HMGXB3: variants seen among roughly 807,000 people sequenced by gnomAD.
HMGXB3 encodes the protein HMG-box containing 3, also known as HMG domain-containing protein 3.
In HMGXB3, 45 loss-of-function variants were observed where a neutral mutation model predicts 121.5. That is an observed-to-expected ratio of 0.37 (90% confidence interval 0.29 to 0.47). HMGXB3 has a LOEUF of 0.47. HMGXB3 is among the 20% of genes least tolerant of loss of function. HMGXB3 has a pLI of 0.99. For missense variants in HMGXB3, 1,376 were observed against 1,602.2 expected, an observed-to-expected ratio of 0.86 and a Z score of 2.41; for synonymous variants, 590 against 624.1, an observed-to-expected ratio of 0.95 and a Z score of 0.81.
rs80345191 is a variant in HMGXB3 at position 150,002,550 on chromosome 5, C to T, written c.-3+1371C>T. Among the ~76,000 whole-genome samples the T allele has an allele frequency of 2.7e-3, 418 of 152,328 alleles. 3 individuals carry two copies. The highest frequency in any genetic ancestry group is 9.2e-3 in the African/African-American group (381 of 41,572). On this transcript the variant is annotated intron_variant, in intron 1 of 19. Coordinates refer to ENST00000502717, the MANE Select transcript of HMGXB3 (RefSeq NM_014983.3). ...CCCAGAATTCTAAATTTCCTCCTGA[C>T]AGATTTTCAGGGGCAACTATGTTAT... is the stretch of plus-strand genomic sequence containing the variant.
intron 14 of HMGXB3, 24 bp from the exon 15 acceptor site, chr5:150,041,761 T>C: frequency 6.5e-7 from 1 of 1,543,024 alleles, no homozygotes; most frequent in Non-Finnish European, 8.8e-7. Flanking sequence ...TGTGCCCTTC[T>C]CAGTGTTCTT....
intron 4 of HMGXB3, among the ~76,000 whole-genome samples, chr5:150,011,592 T>TG (rs1428303858): frequency 6.6e-5 from 9 of 135,380 alleles, no homozygotes; most frequent in African/African-American, 1.1e-4. Flanking sequence ...TGTTGTTGGT[T>TG]GTTTTTTTTT....
chr5:150,048,791 G>A (rs1474462421), intron 18 of HMGXB3, 106 bp downstream of exon 18: 3 of 801,718 alleles, frequency 3.7e-6, no homozygotes, highest in African/African-American at 3.4e-5. Flanking sequence ...AGGTCACTGG[G>A]CAACCTCCGG....
chr5:150,046,729 G>A (rs1267493785), intron 16 of HMGXB3, among the ~76,000 whole-genome samples: 4 of 151,816 alleles, frequency 2.6e-5, no homozygotes, highest in Non-Finnish European at 4.4e-5. Context: ...GGAGAATGGC[G>A]TGAACCCGGG....
At chr5:150,028,497 ATGTATGTATGTGTG>A (rs1756289870) in intron 9 of HMGXB3, among the ~76,000 whole-genome samples, 1 of 66,476 alleles carries the variant, frequency 1.5e-5, no homozygotes, top group Non-Finnish European at 2.5e-5. Flanking sequence ...ATGTATATAT[ATGTATGTATGTGTG>A]TGTGTGTGTG....
At chr5:150,029,042 T>C (rs1015009146) in intron 9 of HMGXB3, among the ~76,000 whole-genome samples, 2 of 152,300 alleles carry the variant, frequency 1.3e-5, no homozygotes, top group African/African-American at 4.8e-5. Flanking sequence ...GTAGAAAATA[T>C]AGAAAATTCA....
At chr5:150,040,084 G>C (rs1756592583) in intron 13 of HMGXB3, among the ~76,000 whole-genome samples, 1 of 152,192 alleles carries the variant, frequency 6.6e-6, no homozygotes, top group South Asian at 2.1e-4. Flanking sequence ...GAGGTGTAAA[G>C]GAAGAGTGAT....
chr5:150,004,196 G>A (rs1479523932), intron 1 of HMGXB3, among the ~76,000 whole-genome samples: 1 of 152,014 alleles, frequency 6.6e-6, no homozygotes, highest in Non-Finnish European at 1.5e-5. Flanking sequence ...ATAGAGTTGT[G>A]TCTATTGTAT....
chr5:150,028,564 T>A (rs1418996454), intron 9 of HMGXB3, among the ~76,000 whole-genome samples: 2,379 of 110,174 alleles, frequency 0.022, 49 homozygotes, highest in East Asian at 0.04. Context: ...TATATATTTT[T>A]TTTTTTTTTT....
intron 15 of HMGXB3, among the ~76,000 whole-genome samples, chr5:150,042,774 A>G (rs550046036): frequency 2.4e-4 from 37 of 152,264 alleles, no homozygotes; most frequent in African/African-American, 8.4e-4. Context: ...GAACTGAAAA[A>G]TTTTCACACA....
intron 13 of HMGXB3, 122 bp from the exon 14 acceptor site, chr5:150,040,626 C>A: frequency 1.1e-6 from 1 of 933,566 alleles, no homozygotes; most frequent in Non-Finnish European, 1.6e-6. Flanking sequence ...GATCCTCCTG[C>A]CTCATCCTCC....
At position 150,007,926 on chromosome 5, in the gene HMGXB3, A is replaced by G. The variant is rs148336291; in HGVS notation, c.312+1279A>G. Among the ~76,000 whole-genome samples the G allele has an allele frequency of 4.2e-3, 640 of 152,150 alleles. 8 individuals carry two copies. The highest frequency in any genetic ancestry group is 0.014 in the African/African-American group (594 of 41,490). On this transcript the variant is annotated intron_variant, in intron 3 of 19. Coordinates refer to ENST00000502717, the MANE Select transcript of HMGXB3 (RefSeq NM_014983.3). ...GAAAAGATTAGCCAGGCGTGGTGGCATACACCTGTAGTCCCAGCCACTCAG... is the reference window on the plus strand; with the variant it reads ...GAAAAGATTAGCCAGGCGTGGTGGCGTACACCTGTAGTCCCAGCCACTCAG...
Position 150,034,416 on chromosome 5 carries a change from G to A in HMGXB3, c.1983+1813G>A, listed in dbSNP as rs1348583704. 3.3e-5 allele frequency among the ~76,000 whole-genome samples: 5 copies of A among 152,228 alleles called. No individual in the cohort carries two copies. The South Asian group carries it at 8.3e-4, about 25-fold the overall frequency. On this transcript the variant is annotated intron_variant, in intron 11 of 19. Transcript: ENST00000502717. ...AGTTCTGTGTAGGTAGAAGCTCTGA[G>A]CATTCCTTTCTCCTTCCAGTTCATT...
At chr5:150,021,916 A>C in intron 6 of HMGXB3, 1 of 500,364 alleles carries the variant, frequency 2.0e-6, no homozygotes, top group Non-Finnish European at 4.0e-6. Context: ...TGTCTTTAAA[A>C]GCCTTGGCTG....
chr5:150,011,689 C>T (rs1485313417), intron 4 of HMGXB3, among the ~76,000 whole-genome samples: 2 of 150,090 alleles, frequency 1.3e-5, no homozygotes, highest in African/African-American at 2.5e-5. Context: ...ACTGCAACCT[C>T]CACCTCCCGG....
intron 5 of HMGXB3, 140 bp from the exon 6 acceptor site, chr5:150,018,426 C>T: frequency 1.6e-6 from 1 of 628,426 alleles, no homozygotes; most frequent in South Asian, 4.4e-5. Flanking sequence ...TAGGACCTTT[C>T]CAACACTGAC....
At chr5:150,029,343 T>G (rs1756319272) in intron 9 of HMGXB3, among the ~76,000 whole-genome samples, 1 of 151,842 alleles carries the variant, frequency 6.6e-6, no homozygotes, top group African/African-American at 2.4e-5. Context: ...TTTTTTTTTT[T>G]TTTCATGTCA....
In HMGXB3 at chr5:150,051,983, A is replaced by C; in HGVS notation, c.3670A>C (p.Asn1224His). The change falls in exon 20 of 20, where the codon AAT (asparagine) becomes CAT (histidine). Residue 1224 changes from asparagine to histidine, a missense_variant. Physicochemically the swap from Asn to His is moderately conservative, Grantham distance 68. Transcript: ENST00000502717. ...GVRQRPIAFD[N>H]ATHYYLYNRL... ...CCGCCAGCGGCCCATTGCCTTCGAC[A>C]ATGCCACTCACTATTACCTCTACAA... The C allele has an allele frequency of 6.4e-7, 1 of 1,552,210 alleles. No individual in the cohort carries two copies. Among genetic ancestry groups the C allele is most frequent in the Non-Finnish European group, 8.7e-7 (1 of 1,147,108 alleles).
intron 7 of HMGXB3, among the ~76,000 whole-genome samples, chr5:150,026,172 T>C (rs761091215): frequency 5.9e-5 from 9 of 152,178 alleles, no homozygotes; most frequent in Non-Finnish European, 2.9e-5. Context: ...CAATATACTT[T>C]GGCGATGGTT....
Sources: allele counts gnomAD v4.1 joint callset (sites outside exome capture counted in the v4.1 genomes callset), GRCh38; gene constraint gnomAD v4.1.1; transcripts MANE v1.5; gene names NCBI Gene and HGNC (gene_info 2026-07-23, HGNC 2026-07-21).